The following CBLN2 variants were observed in gnomAD, a reference collection of about 807,000 sequenced individuals.
CBLN2 encodes cerebellin 2 precursor.
CBLN2 carries 7 observed loss-of-function variants against 15.0 expected under a neutral mutation model. The ratio of observed to expected loss-of-function variants is 0.47; its 90% CI spans 0.27 to 0.88. CBLN2 has a LOEUF of 0.88. Among genes scored for constraint, CBLN2 ranks in the 40% least tolerant of loss-of-function variants. The pLI is 0.14. For synonymous variants in CBLN2, 149 were observed against 135.2 expected (o/e 1.10, Z -0.71); for missense variants, 242 against 304.5 (o/e 0.79, Z 1.53).
At chr18:72,573,884 C>T (rs879764487) in intron 1 of CBLN2, among the ~76,000 whole-genome samples, 6 of 152,180 alleles carry the variant, frequency 3.9e-5, no homozygotes, top group Non-Finnish European at 8.8e-5. Flanking sequence ...GTGTTTGGAC[C>T]ATTTTTCATT....
chr18:72,592,454 CT>C (rs1182001459), intron 1 of CBLN2, among the ~76,000 whole-genome samples: 1 of 151,838 alleles, frequency 6.6e-6, no homozygotes, highest in Admixed American at 6.6e-5. Context: ...TGTGAGTTGT[CT>C]GTTGATTGTT....
intron 1 of CBLN2, among the ~76,000 whole-genome samples, chr18:72,625,655 A>G: frequency 7.0e-6 from 1 of 143,810 alleles, no homozygotes; most frequent in East Asian, 2.0e-4. Context: ...TATTATTATT[A>G]TTATAGGATT....
At chr18:72,561,635 A>G (rs1405214614) in intron 1 of CBLN2, among the ~76,000 whole-genome samples, 1 of 152,216 alleles carries the variant, frequency 6.6e-6, no homozygotes, top group Non-Finnish European at 1.5e-5. Flanking sequence ...AGCTTCAGAA[A>G]GCAGCAGAAA....
chr18:72,570,630 C>G (rs947662644), intron 1 of CBLN2, among the ~76,000 whole-genome samples: 1 of 151,998 alleles, frequency 6.6e-6, no homozygotes, highest in African/African-American at 2.4e-5. Context: ...TCACAGCCTT[C>G]TTGTGCTTGG....
Position 72,543,318 on chromosome 18 carries a change from G to T in CBLN2, c.-167+168C>A. 2.6e-6 allele frequency: 1 copy of T among 384,426 alleles called. No homozygotes were observed. Among genetic ancestry groups the T allele is most frequent in the Non-Finnish European group, 4.6e-6 (1 of 217,316 alleles). 23.8% of individuals were successfully genotyped at this position (384,426 alleles called of 1,614,324 possible). ...TTCCAGTATTCTTTCTAAGAACAGAGAAGTTGGCTCTTGATAAATATCCGC... is the reference window on the plus strand; with the variant it reads ...TTCCAGTATTCTTTCTAAGAACAGATAAGTTGGCTCTTGATAAATATCCGC... On this transcript the variant is annotated intron_variant, in intron 2 of 4. Transcript: ENST00000269503. The surrounding 1 kb of genome is among the most constrained non-coding windows in gnomAD (Gnocchi z 6.8).
intron 1 of CBLN2, chr18:72,631,044 C>G (rs1368708582): frequency 6.6e-6 from 1 of 152,146 alleles, no homozygotes; most frequent in East Asian, 1.9e-4. Flanking sequence ...CTCTCTCTCT[C>G]TAAGAAAATG....
chr18:72,543,260 G>A lies in CBLN2; in HGVS notation c.-167+226C>T. On this transcript the variant is annotated intron_variant, in intron 2 of 4. Transcript: ENST00000269503. This position sits in a 1 kb window ranked among gnomAD's most constrained non-coding sequence, Gnocchi z 6.8. ...CAGCCCAGAGACACGCAGAGAAGCC[G>A]CCCCCTCGCCGCCCACAGCCTCCCA... 1 of 359,368 alleles carries A rather than the reference G, an allele frequency of 2.8e-6. No individual in the cohort carries two copies. Among genetic ancestry groups the A allele is most frequent in the Non-Finnish European group, 5.0e-6 (1 of 201,634 alleles). 22.3% of individuals were successfully genotyped at this position (359,368 alleles called of 1,614,324 possible).
chr18:72,550,086 T>C (rs2069182962), intron 1 of CBLN2, among the ~76,000 whole-genome samples: 1 of 152,224 alleles, frequency 6.6e-6, no homozygotes, highest in African/African-American at 2.4e-5. Flanking sequence ...TTCTTCTTTA[T>C]ATGAAACTTG....
At chr18:72,619,305 A>T in intron 1 of CBLN2, 1 of 607,134 alleles carries the variant, frequency 1.6e-6, no homozygotes, top group South Asian at 1.5e-5. Context: ...AGAATTGTGA[A>T]CTCAGCCAAG....
chr18:72,559,894 G>T (rs2069249240), intron 1 of CBLN2, among the ~76,000 whole-genome samples: 1 of 152,190 alleles, frequency 6.6e-6, no homozygotes, highest in African/African-American at 2.4e-5. Flanking sequence ...CCTTGATTTT[G>T]TAGTCAGCTG....
At chr18:72,622,477 AC>A (rs1368831992) in intron 1 of CBLN2, among the ~76,000 whole-genome samples, 2 of 152,162 alleles carry the variant, frequency 1.3e-5, no homozygotes, top group Admixed American at 6.6e-5. Context: ...AAAGTGACTT[AC>A]TGGCAAGTCC....
chr18:72,581,762 G>T (rs573115943), intron 1 of CBLN2, among the ~76,000 whole-genome samples: 2 of 152,154 alleles, frequency 1.3e-5, no homozygotes, highest in Non-Finnish European at 2.9e-5. Flanking sequence ...TCTCTATGAT[G>T]AGTGTGTTTT....
In CBLN2 at chr18:72,541,889, G is replaced by C. The variant is rs1248190695; in HGVS notation, c.272C>G (p.Ala91Gly). Residue 91 changes from alanine to glycine, a missense_variant, in exon 3 of 5, where the codon GCC becomes GGC. By Grantham distance (60) the Ala-to-Gly change is moderately conservative. Coordinates refer to ENST00000269503, the MANE Select transcript of CBLN2 (RefSeq NM_182511.4). The stretch of plus-strand genomic sequence containing the variant: ...CCGCGTGGCGGAGAAGGCCACCTTG[G>C]CGCTGCCGGAGCGCACGGAGATGCC... ...SLGISVRSGS[A>G]KVAFSATRST... 3 of 1,607,314 alleles carry C rather than the reference G, an allele frequency of 1.9e-6. No homozygotes were observed. The highest frequency in any genetic ancestry group is 1.7e-5 in the Admixed American group (1 of 59,672).
At chr18:72,562,677 CT>C (rs2069269451) in intron 1 of CBLN2, among the ~76,000 whole-genome samples, 1 of 152,146 alleles carries the variant, frequency 6.6e-6, no homozygotes, top group Non-Finnish European at 1.5e-5. Context: ...TATTTAGAGT[CT>C]TTGGAAACAG....
At chr18:72,590,196 C>A (rs1451737299) in intron 1 of CBLN2, among the ~76,000 whole-genome samples, 3 of 150,912 alleles carry the variant, frequency 2.0e-5, no homozygotes, top group Admixed American at 2.0e-4. Context: ...ACCCGGGAGG[C>A]GGAGCTTGCA....
intron 1 of CBLN2, among the ~76,000 whole-genome samples, chr18:72,607,467 T>C (rs1382066518): frequency 6.6e-6 from 1 of 152,220 alleles, no homozygotes; most frequent in East Asian, 1.9e-4. Context: ...GTAGGATCAG[T>C]TGTGGCTACC....
intron 1 of CBLN2, among the ~76,000 whole-genome samples, chr18:72,568,553 A>T (rs1288810305): frequency 1.3e-5 from 2 of 152,128 alleles, no homozygotes. Context: ...ATTAAATTAC[A>T]TAAACTAAAA....
At chr18:72,615,079 T>C (rs1048812661) in intron 1 of CBLN2, among the ~76,000 whole-genome samples, 7 of 137,632 alleles carry the variant, frequency 5.1e-5, no homozygotes, top group African/African-American at 1.9e-4. Flanking sequence ...TTATATATTA[T>C]AGAAAATATA....
chr18:72,568,171 G>T (rs183724625), intron 1 of CBLN2, among the ~76,000 whole-genome samples: 1 of 152,090 alleles, frequency 6.6e-6, no homozygotes, highest in Admixed American at 6.5e-5. Context: ...TAAGCCACTG[G>T]GACTCTCTAG....
Sources: allele counts gnomAD v4.1 joint callset (sites outside exome capture counted in the v4.1 genomes callset), GRCh38; gene constraint gnomAD v4.1.1; non-coding constraint Gnocchi (gnomAD v3.1); transcripts MANE v1.5; gene names NCBI Gene and HGNC (gene_info 2026-07-23, HGNC 2026-07-21).